SPATA21: variants seen among roughly 807,000 people sequenced by gnomAD.
SPATA21 encodes spermatogenesis associated 21, also known as spermatogenesis-associated protein 21.
In SPATA21, 47 loss-of-function variants were observed where a neutral mutation model predicts 54.8. The ratio of observed to expected loss-of-function variants is 0.86; its 90% CI spans 0.68 to 1.09. The LOEUF (loss-of-function observed/expected upper bound fraction) is 1.09. Ranked by LOEUF, SPATA21 falls within the 50% of genes least tolerant of loss-of-function variation. The pLI is 0.00. For missense variants in SPATA21, 599 were observed against 596.4 expected (o/e 1.00, Z -0.05); for synonymous variants, 245 against 235.3 (o/e 1.04, Z -0.38).
intron 5 of SPATA21, among the ~76,000 whole-genome samples, chr1:16,420,569 T>C (rs985272960): frequency 1.3e-5 from 2 of 151,808 alleles, no homozygotes; most frequent in African/African-American, 2.4e-5. Flanking sequence ...GGCTGAGCCA[T>C]GTTTGTATGC....
At chr1:16,423,289 T>C (rs2086222289) in intron 3 of SPATA21, among the ~76,000 whole-genome samples, 1 of 149,944 alleles carries the variant, frequency 6.7e-6, no homozygotes, top group South Asian at 2.1e-4. Flanking sequence ...GGTACGTGCC[T>C]GTAATCCCAG....
At chr1:16,412,782 TTTTC>T (rs766226393) in intron 5 of SPATA21, among the ~76,000 whole-genome samples, 27 of 149,684 alleles carry the variant, frequency 1.8e-4, no homozygotes, top group African/African-American at 4.9e-4. Flanking sequence ...AACTTAACGA[TTTTC>T]TTTCTTTCTT....
intron 3 of SPATA21, chr1:16,425,706 G>C: frequency 6.5e-7 from 1 of 1,549,606 alleles, no homozygotes. Context: ...GACCCTTCCT[G>C]GGGGACCCAA....
intron 5 of SPATA21, among the ~76,000 whole-genome samples, chr1:16,412,424 CT>C (rs1200413960): frequency 6.6e-6 from 1 of 151,734 alleles, no homozygotes; most frequent in African/African-American, 2.4e-5. Context: ...TCTTTTCCAA[CT>C]TTTTTTTTCT....
chr1:16,432,849 CG>C lies in SPATA21; in HGVS notation c.-112del, dbSNP rs1231731271. On this transcript the variant is annotated 5_prime_UTR_variant, in exon 2 of 13. An upstream open reading frame in the 5' UTR gains an earlier in-frame stop. Coordinates refer to ENST00000335496, the MANE Select transcript of SPATA21 (RefSeq NM_198546.1). ...ATCATGGCAGGCCCGCCAGCATCCA[CG>C]GAGGAACCTTCCATGTGCTGGAAAC... 1 of 152,252 alleles carries C rather than the reference CG, an allele frequency of 6.6e-6. No individual in the cohort carries two copies. Among genetic ancestry groups the C allele is most frequent in the Non-Finnish European group, 1.5e-5 (1 of 68,084 alleles). 9.4% of individuals were successfully genotyped at this position (152,252 alleles called of 1,614,324 possible). A position where few individuals can be genotyped will look rare whatever the true frequency, so the allele number is the denominator to read the frequency against.
intron 11 of SPATA21, 100 bp downstream of exon 11, chr1:16,400,620 C>T: frequency 2.0e-6 from 3 of 1,508,396 alleles, no homozygotes; most frequent in Middle Eastern, 2.1e-4. Flanking sequence ...CCTCTCAGCT[C>T]CCTTGGCCTG....
intron 11 of SPATA21, chr1:16,400,411 TCAA>T: frequency 9.3e-7 from 1 of 1,071,856 alleles, no homozygotes; most frequent in African/African-American, 1.6e-5. Flanking sequence ...CAGTGGGCAC[TCAA>T]TAAACAGTGA....
intron 5 of SPATA21, among the ~76,000 whole-genome samples, chr1:16,411,528 C>T (rs1346948160): frequency 6.6e-6 from 1 of 152,078 alleles, no homozygotes; most frequent in South Asian, 2.1e-4. Flanking sequence ...AGGTGGCTCA[C>T]GCCTGTAATC....
At chr1:16,398,905 C>A in intron 12 of SPATA21, 83 bp from the exon 13 acceptor site, 1 of 1,414,610 alleles carries the variant, frequency 7.1e-7, no homozygotes, top group Non-Finnish European at 9.6e-7. Flanking sequence ...TGTGCGTGCC[C>A]AAGTGAGGAG....
intron 12 of SPATA21, among the ~76,000 whole-genome samples, chr1:16,399,115 C>G (rs2085364677): frequency 6.6e-6 from 1 of 152,186 alleles, no homozygotes; most frequent in South Asian, 2.1e-4. Flanking sequence ...CCACTGAGTC[C>G]TGGACACAGG....
Position 16,409,045 on chromosome 1 carries a change from C to T in SPATA21, c.673+73G>A. ...GTGATCTGGAAAGCACCCCAGTCCG[C>T]CCTGCGCCTATAAACCCCCAAGGAC... On this transcript the variant is annotated intron_variant, in intron 7 of 12. Coordinates refer to ENST00000335496, the MANE Select transcript of SPATA21 (RefSeq NM_198546.1). The surrounding 1 kb of genome is among the most constrained non-coding windows in gnomAD (Gnocchi z 4.1). 1 of 1,527,838 alleles carries T rather than the reference C, an allele frequency of 6.5e-7. No homozygotes were observed. The highest frequency in any genetic ancestry group is 9.1e-7 in the Non-Finnish European group (1 of 1,103,950). The allele number at this position is 1,527,838 out of a possible 1,614,324, so 94.6% of individuals were successfully genotyped here. A position where few individuals can be genotyped will look rare whatever the true frequency, so the allele number is the denominator to read the frequency against.
At chr1:16,431,263 T>A (rs2086450473) in intron 3 of SPATA21, 75 bp downstream of exon 3, 1 of 1,613,524 alleles carries the variant, frequency 6.2e-7, no homozygotes, top group Non-Finnish European at 8.5e-7. Context: ...CCTGGTATGA[T>A]GGGCTCAACA....
At chr1:16,416,777 C>T (rs963249241) in intron 5 of SPATA21, among the ~76,000 whole-genome samples, 4 of 152,078 alleles carry the variant, frequency 2.6e-5, no homozygotes, top group Non-Finnish European at 5.9e-5. Context: ...CCCTGAGCCC[C>T]AGAAATAGGA....
intron 3 of SPATA21, 67 bp downstream of exon 3, chr1:16,431,271 A>G (rs200223303): frequency 1.2e-6 from 2 of 1,613,950 alleles, no homozygotes; most frequent in South Asian, 2.2e-5. Context: ...GATGGGCTCA[A>G]CACCAGCCCT....
At position 16,403,998 on chromosome 1, in the gene SPATA21, T is replaced by G; in HGVS notation, c.853A>C (p.Thr285Pro). 10 of 1,565,222 alleles carry G rather than the reference T, an allele frequency of 6.4e-6. No homozygotes were observed. The highest frequency in any genetic ancestry group is 8.7e-6 in the Non-Finnish European group (10 of 1,154,382). The change falls in exon 9 of 13, where the codon ACA becomes CCA. Residue 285 changes from threonine (T) to proline (P), a missense_variant. By Grantham distance (38) the Thr-to-Pro change is conservative (BLOSUM62 -1). Coordinates refer to ENST00000335496, the MANE Select transcript of SPATA21 (RefSeq NM_198546.1). The part of the protein sequence containing the change: ...VDFKDFLAVM[T>P]DTRRFFCSVE... ...GAGCAGAAGAAGCGCCTGGTGTCTG[T>G]CATCACAGCCAAGAAGTCTTTGAAG...
chr1:16,433,504 CAG>C, intron 1 of SPATA21, among the ~76,000 whole-genome samples: 1 of 152,360 alleles, frequency 6.6e-6, no homozygotes, highest in Admixed American at 6.5e-5. Context: ...CTTCCTGTCT[CAG>C]GGGTGGATGA....
intron 1 of SPATA21, among the ~76,000 whole-genome samples, chr1:16,436,549 C>T (rs1344453184): frequency 7.9e-5 from 12 of 151,576 alleles, no homozygotes; most frequent in African/African-American, 2.9e-4. Context: ...GCAGATCACT[C>T]GAGGTCAGGA....
At chr1:16,420,118 AG>A (rs1269650069) in intron 5 of SPATA21, among the ~76,000 whole-genome samples, 1 of 151,928 alleles carries the variant, frequency 6.6e-6, no homozygotes, top group Non-Finnish European at 1.5e-5. Context: ...GTGACATGGG[AG>A]GAGAACCAAG....
In SPATA21 at chr1:16,410,003, G is replaced by A. The variant is rs754680145; in HGVS notation, c.185C>T (p.Ala62Val). The A allele has an allele frequency of 2.0e-5, 31 of 1,586,112 alleles. No homozygotes were observed. The highest frequency in any genetic ancestry group is 4.5e-5 in the East Asian group (2 of 44,832). The change falls in exon 6 of 13, where the codon GCG becomes GTG. Residue 62 changes from alanine to valine, a missense_variant. Coordinates refer to ENST00000335496, the MANE Select transcript of SPATA21 (RefSeq NM_198546.1). The stretch of plus-strand genomic sequence containing the variant: ...CGCGGGCTTCTGAGGCTGCTGCTGC[G>A]CACGGTCTGGCTCCCGCCTCTCTCC... ...DIGERREPDR[A>V]QQQPQKPAVA...
Sources: allele counts gnomAD v4.1 joint callset (sites outside exome capture counted in the v4.1 genomes callset), GRCh38; gene constraint gnomAD v4.1.1; non-coding constraint Gnocchi (gnomAD v3.1); transcripts MANE v1.5; gene names NCBI Gene and HGNC (gene_info 2026-07-23, HGNC 2026-07-21).